Variants in DIP2B observed in about 807,000 individuals in gnomAD.
The protein encoded by DIP2B is DIP2 acetate--CoA ligase B (putative), also known as disco-interacting protein 2 homolog B.
A neutral mutation model predicts 198.0 loss-of-function variants in DIP2B; 76 were observed. That is an observed-to-expected ratio of 0.38 (90% CI 0.32 to 0.46). DIP2B has a LOEUF of 0.46. Ranked by LOEUF, DIP2B falls within the 20% of genes least tolerant of loss-of-function variation. The probability of loss-of-function intolerance (pLI) is 0.99; values close to 1 mark genes in which losing one functional copy is unlikely to be tolerated. For missense variants in DIP2B, 1,559 were observed against 1,978.4 expected (o/e 0.79, Z 4.02); for synonymous variants, 701 against 739.1 (o/e 0.95, Z 0.84).
intron 1 of DIP2B, among the ~76,000 whole-genome samples, chr12:50,550,020 C>G (rs1958413832): frequency 6.6e-6 from 1 of 152,022 alleles, no homozygotes; most frequent in Non-Finnish European, 1.5e-5. Flanking sequence ...TTTCTAGGAG[C>G]TCTGGGGTTT....
intron 1 of DIP2B, among the ~76,000 whole-genome samples, chr12:50,545,954 G>A (rs1958374054): frequency 6.6e-6 from 1 of 152,086 alleles, no homozygotes; most frequent in African/African-American, 2.4e-5. Flanking sequence ...ATTTATTGAG[G>A]ACTTGTGTAT....
At chr12:50,683,704 AC>A (rs1445167289) in intron 10 of DIP2B, among the ~76,000 whole-genome samples, 1 of 152,060 alleles carries the variant, frequency 6.6e-6, no homozygotes, top group East Asian at 1.9e-4. Flanking sequence ...AATGGCGTGA[AC>A]CCTAGAGGTG....
chr12:50,654,074 T>C (rs903990129), intron 3 of DIP2B, among the ~76,000 whole-genome samples: 1 of 151,642 alleles, frequency 6.6e-6, no homozygotes, highest in East Asian at 2.0e-4. Flanking sequence ...GGGTTTTACC[T>C]TGTTGGCCAG....
chr12:50,732,107 A>G (rs1940053494), intron 31 of DIP2B, among the ~76,000 whole-genome samples: 1 of 152,252 alleles, frequency 6.6e-6, no homozygotes, highest in Non-Finnish European at 1.5e-5. Flanking sequence ...GAGGGATAAA[A>G]ACATTGCTGA....
chr12:50,557,856 A>G (rs778453657), intron 1 of DIP2B, among the ~76,000 whole-genome samples: 2 of 152,164 alleles, frequency 1.3e-5, no homozygotes, highest in African/African-American at 2.4e-5. Context: ...CTTCCAGAAC[A>G]AGGAAAAATG....
In DIP2B at chr12:50,591,477, T is replaced by A. The variant is rs936260168; in HGVS notation, c.101-34499T>A. ...ATTTATTTGAGACATTGTCTCTGTC[T>A]CCCTGGCTGGAGTACAGTGGCATGA... On this transcript the variant is annotated intron_variant, in intron 1 of 37. Transcript: ENST00000301180. Among the ~76,000 whole-genome samples the A allele has an allele frequency of 2.0e-5, 3 of 152,080 alleles. No individual in the cohort carries two copies. In the South Asian group the frequency reaches 6.2e-4, roughly 32 times the overall value.
At chr12:50,579,947 C>T (rs1958709445) in intron 1 of DIP2B, among the ~76,000 whole-genome samples, 1 of 148,920 alleles carries the variant, frequency 6.7e-6, no homozygotes, top group Non-Finnish European at 1.5e-5. Context: ...GACTGGCAGT[C>T]TTGGCACAGG....
chr12:50,666,783 A>G (rs966802267), intron 4 of DIP2B, among the ~76,000 whole-genome samples: 2 of 152,098 alleles, frequency 1.3e-5, no homozygotes, highest in Non-Finnish European at 2.9e-5. Context: ...GAACTTTGGG[A>G]GGCTGAGGTG....
At chr12:50,592,465 T>C (rs181515890) in intron 1 of DIP2B, among the ~76,000 whole-genome samples, 192 of 152,060 alleles carry the variant, frequency 1.3e-3, no homozygotes, top group African/African-American at 4.5e-3. Context: ...CCTTAACTTT[T>C]AGATTATTTA....
At chr12:50,693,173 T>C (rs1939250566) in intron 14 of DIP2B, among the ~76,000 whole-genome samples, 160 bp downstream of exon 14, 1 of 152,210 alleles carries the variant, frequency 6.6e-6, no homozygotes, top group Admixed American at 6.5e-5. Context: ...CTGGACAGAA[T>C]GTTTTGAATG....
chr12:50,577,519 G>A (rs898757091), intron 1 of DIP2B, among the ~76,000 whole-genome samples: 1 of 151,650 alleles, frequency 6.6e-6, no homozygotes, highest in African/African-American at 2.4e-5. Context: ...GGGCAACAGA[G>A]CGAGACTCCG....
intron 16 of DIP2B, among the ~76,000 whole-genome samples, chr12:50,696,658 C>T (rs1028982380): frequency 4.6e-5 from 7 of 152,214 alleles, no homozygotes; most frequent in Admixed American, 3.9e-4. Flanking sequence ...AAAACACAGA[C>T]ATGGGCTTGA....
intron 10 of DIP2B, among the ~76,000 whole-genome samples, chr12:50,683,455 G>C (rs761225337): frequency 1.1e-4 from 16 of 152,136 alleles, no homozygotes; most frequent in Non-Finnish European, 1.6e-4. Flanking sequence ...TATTAAGATA[G>C]AGTTTGTATA....
chr12:50,630,458 A>G (rs559850167), intron 2 of DIP2B, among the ~76,000 whole-genome samples: 39 of 151,840 alleles, frequency 2.6e-4, no homozygotes, highest in African/African-American at 9.4e-4. Flanking sequence ...AAGCTATGTT[A>G]TTAGGTACAT....
chr12:50,603,888 A>T (rs953116815), intron 1 of DIP2B, among the ~76,000 whole-genome samples: 6 of 152,260 alleles, frequency 3.9e-5, no homozygotes, highest in Non-Finnish European at 8.8e-5. Context: ...TTTCTGCTGA[A>T]GTTCTTTTTC....
chr12:50,623,467 TCTCA>T (rs1937865574), intron 1 of DIP2B, among the ~76,000 whole-genome samples: 1 of 134,586 alleles, frequency 7.4e-6, no homozygotes, highest in South Asian at 2.4e-4. Flanking sequence ...TCTCTCTCTC[TCTCA>T]CTCACCCAAG....
At chr12:50,538,647 A>G (rs11609231) in intron 1 of DIP2B, among the ~76,000 whole-genome samples, 38,469 of 151,836 alleles carry the variant, frequency 0.25, 5,922 homozygotes, top group Non-Finnish European at 0.35. Flanking sequence ...TAATATTACT[A>G]TTTTTCTGTT....
intron 6 of DIP2B, 72 bp downstream of exon 6, chr12:50,674,701 C>G: frequency 3.8e-6 from 6 of 1,570,122 alleles, no homozygotes; most frequent in Non-Finnish European, 5.2e-6. Flanking sequence ...TGAATGATAG[C>G]TCCTAACTAG....
intron 1 of DIP2B, among the ~76,000 whole-genome samples, chr12:50,576,051 C>A (rs888140160): frequency 1.3e-5 from 2 of 151,414 alleles, no homozygotes; most frequent in African/African-American, 2.4e-5. Flanking sequence ...AGCCACCGTG[C>A]CTGGCCCTGA....
Sources: allele counts gnomAD v4.1 joint callset (sites outside exome capture counted in the v4.1 genomes callset), GRCh38; gene constraint gnomAD v4.1.1; transcripts MANE v1.5; gene names NCBI Gene and HGNC (gene_info 2026-07-23, HGNC 2026-07-21).